Variants in KCMF1 observed in about 807,000 individuals in gnomAD.
KCMF1 encodes E3 ubiquitin-protein ligase KCMF1.
A neutral mutation model predicts 41.1 loss-of-function variants in KCMF1; 3 were observed. The ratio of observed to expected loss-of-function variants is 0.07; its 90% CI spans 0.03 to 0.19. KCMF1 has a LOEUF of 0.19. Ranked by LOEUF, KCMF1 falls within the 10% of genes least tolerant of loss-of-function variation. The probability of loss-of-function intolerance (pLI) is 1.00; values close to 1 mark genes in which losing one functional copy is unlikely to be tolerated. For synonymous variants in KCMF1, 142 were observed against 164.5 expected (o/e 0.86, Z 1.04); for missense variants, 286 against 488.9 (o/e 0.58, Z 3.91).
chr2:84,980,423 T>C (rs907706359), intron 1 of KCMF1, among the ~76,000 whole-genome samples: 1 of 152,094 alleles, frequency 6.6e-6, no homozygotes, highest in Non-Finnish European at 1.5e-5. Flanking sequence ...TACCAGGAAG[T>C]GAAAACACTG....
chr2:85,026,489 A>T (rs970033163), intron 1 of KCMF1, among the ~76,000 whole-genome samples: 5 of 141,842 alleles, frequency 3.5e-5, no homozygotes, highest in African/African-American at 1.4e-4. Context: ...TATTATTATT[A>T]TTATTATTTT....
chr2:84,971,682 G>T (rs944884659), intron 1 of KCMF1, among the ~76,000 whole-genome samples: 10 of 150,980 alleles, frequency 6.6e-5, no homozygotes, highest in African/African-American at 2.4e-4. Flanking sequence ...GGTGCTGGAG[G>T]CGGGGCGGCC....
chr2:85,046,225 C>G lies in KCMF1; in HGVS notation c.548C>G (p.Ser183Cys). The change falls in exon 5 of 7, where the codon TCT becomes TGT. Residue 183 changes from serine to cysteine, a missense_variant. Ser to Cys is a moderately radical substitution (Grantham distance 112). Coordinates refer to ENST00000409785, the MANE Select transcript of KCMF1 (RefSeq NM_020122.5). ...FTSSSTGGLS[S>C]SQSSYSPSNR... ...AGCAGTTCTACTGGTGGACTTTCTTCTTCTCAGAGTTCATATTCTCCAAGC... is the reference window on the plus strand; with the variant it reads ...AGCAGTTCTACTGGTGGACTTTCTTGTTCTCAGAGTTCATATTCTCCAAGC... The G allele has an allele frequency of 6.2e-7, 1 of 1,613,316 alleles. No homozygotes were observed. Among genetic ancestry groups the G allele is most frequent in the Non-Finnish European group, 8.5e-7 (1 of 1,179,568 alleles).
chr2:85,044,364 G>A (rs1675613050), intron 4 of KCMF1, among the ~76,000 whole-genome samples: 1 of 151,632 alleles, frequency 6.6e-6, no homozygotes, highest in Non-Finnish European at 1.5e-5. Context: ...TTCCTTTCCT[G>A]CTTTTCTTTT....
At chr2:84,985,701 T>G (rs1673884436) in intron 1 of KCMF1, among the ~76,000 whole-genome samples, 1 of 152,100 alleles carries the variant, frequency 6.6e-6, no homozygotes. Flanking sequence ...TGGCAGTAAG[T>G]GCCTGTAATC....
chr2:85,011,173 C>T (rs1022750275), intron 1 of KCMF1, among the ~76,000 whole-genome samples: 2 of 152,102 alleles, frequency 1.3e-5, no homozygotes, highest in Non-Finnish European at 2.9e-5. Context: ...TCTTGATGCT[C>T]AAATTGTCCC....
At chr2:85,016,234 G>A (rs538279736) in intron 1 of KCMF1, among the ~76,000 whole-genome samples, 1 of 152,076 alleles carries the variant, frequency 6.6e-6, no homozygotes, top group Non-Finnish European at 1.5e-5. Context: ...TTTCTCTGCT[G>A]TGGAATCTCT....
chr2:84,994,486 C>T (rs1423081670), intron 1 of KCMF1, among the ~76,000 whole-genome samples: 1 of 152,142 alleles, frequency 6.6e-6, no homozygotes, highest in African/African-American at 2.4e-5. Flanking sequence ...TCACTGCAAC[C>T]TCCACCTCCC....
chr2:85,048,393 A>G (rs1675723494), intron 5 of KCMF1, among the ~76,000 whole-genome samples: 1 of 152,174 alleles, frequency 6.6e-6, no homozygotes, highest in Admixed American at 6.5e-5. Context: ...TTTTTCTGTC[A>G]GTGAAAATTA....
chr2:85,033,268 CTT>C (rs1675322305), intron 2 of KCMF1, among the ~76,000 whole-genome samples: 1 of 152,154 alleles, frequency 6.6e-6, no homozygotes, highest in African/African-American at 2.4e-5. Flanking sequence ...CAAAAGCTCT[CTT>C]AAATTTGGTG....
At chr2:84,986,924 A>C (rs188712217) in intron 1 of KCMF1, among the ~76,000 whole-genome samples, 3 of 152,118 alleles carry the variant, frequency 2.0e-5, no homozygotes, top group Admixed American at 6.6e-5. Context: ...TAAGGTTCCA[A>C]GGGTGAAGTG....
chr2:85,023,047 C>T (rs1156825805), intron 1 of KCMF1, among the ~76,000 whole-genome samples: 1 of 151,930 alleles, frequency 6.6e-6, no homozygotes, highest in African/African-American at 2.4e-5. Flanking sequence ...GCCATCACGC[C>T]TGGCTAATTT....
intron 1 of KCMF1, among the ~76,000 whole-genome samples, chr2:84,990,124 CA>C (rs1240976413): frequency 2.6e-5 from 4 of 152,178 alleles, no homozygotes; most frequent in Admixed American, 6.5e-5. Context: ...TGGCTTGAGC[CA>C]TTGGAATAGG....
At chr2:85,011,098 C>T (rs1299400486) in intron 1 of KCMF1, among the ~76,000 whole-genome samples, 1 of 152,140 alleles carries the variant, frequency 6.6e-6, no homozygotes, top group East Asian at 1.9e-4. Context: ...TGCCTCACTT[C>T]CCAAAGTGCT....
chr2:85,019,290 TC>T (rs1405116150), intron 1 of KCMF1, among the ~76,000 whole-genome samples: 2 of 152,146 alleles, frequency 1.3e-5, no homozygotes, highest in African/African-American at 4.8e-5. Context: ...GTTTTGTTAG[TC>T]TGTGTCATAA....
At chr2:84,983,022 T>C (rs1370639111) in intron 1 of KCMF1, among the ~76,000 whole-genome samples, 2 of 152,174 alleles carry the variant, frequency 1.3e-5, no homozygotes, top group East Asian at 3.9e-4. Flanking sequence ...TCATTCTGAG[T>C]CAGACATGCT....
intron 1 of KCMF1, among the ~76,000 whole-genome samples, chr2:85,018,699 A>G (rs1674849624): frequency 6.6e-6 from 1 of 151,740 alleles, no homozygotes; most frequent in Non-Finnish European, 1.5e-5. Flanking sequence ...TGTCAGTGCT[A>G]TCTAGACAAC....
At chr2:84,973,825 C>CTTTTTTTTTTTTTTTTTTTTTTTTTTT (rs1238178193) in intron 1 of KCMF1, among the ~76,000 whole-genome samples, 10 of 110,272 alleles carry the variant, frequency 9.1e-5, no homozygotes, top group South Asian at 2.8e-4. Context: ...TTATTTCTTT[C>CTTTTTTTTTTTTTTTTTTTTTTTTTTT]TTTTTTTTTT....
intron 1 of KCMF1, among the ~76,000 whole-genome samples, chr2:84,982,720 T>C (rs1673797706): frequency 6.6e-6 from 1 of 152,158 alleles, no homozygotes; most frequent in African/African-American, 2.4e-5. Flanking sequence ...GATATTGAAA[T>C]ACATGCTGGG....
Sources: gnomAD v4.1 joint callset for allele counts (sites outside exome capture counted in the v4.1 genomes callset) on GRCh38, gnomAD v4.1.1 for gene constraint, MANE v1.5 for transcripts, NCBI Gene and HGNC (gene_info 2026-07-23, HGNC 2026-07-21) for gene names.